The following OTUD7A variants were observed in gnomAD, a reference collection of about 807,000 sequenced individuals.
OTUD7A encodes OTU deubiquitinase 7A.
In OTUD7A, 12 loss-of-function variants were observed where a neutral mutation model predicts 65.7. The ratio of observed to expected loss-of-function variants is 0.18; its 90% CI spans 0.12 to 0.30. The LOEUF (loss-of-function observed/expected upper bound fraction) is 0.30, where lower values mean the gene tolerates loss of function less well. OTUD7A is among the 10% of genes least tolerant of loss of function. The pLI, the probability that OTUD7A is intolerant of heterozygous loss-of-function variation, is 1.00. For missense variants in OTUD7A, 1,148 were observed against 1,304.8 expected (o/e 0.88, Z 1.85); for synonymous variants, 641 against 586.3 (o/e 1.09, Z -1.35).
chr15:31,559,597 T>A (rs1269702629), intron 4 of OTUD7A, among the ~76,000 whole-genome samples: 2 of 152,252 alleles, frequency 1.3e-5, no homozygotes, highest in East Asian at 3.9e-4. Context: ...CTTGTATACA[T>A]ACATGTGCAC....
intron 3 of OTUD7A, among the ~76,000 whole-genome samples, chr15:31,583,060 C>G (rs957950917): frequency 1.3e-5 from 2 of 152,202 alleles, no homozygotes; most frequent in Non-Finnish European, 1.5e-5. Flanking sequence ...GTGTTCAATG[C>G]AACCCAGTTT....
At chr15:31,528,487 C>G (rs2042044804) in intron 6 of OTUD7A, among the ~76,000 whole-genome samples, 1 of 152,248 alleles carries the variant, frequency 6.6e-6, no homozygotes, top group African/African-American at 2.4e-5. Flanking sequence ...TTTTCAAAGG[C>G]TCAACTGGCT....
At chr15:31,794,134 T>A (rs1469482828) in intron 1 of OTUD7A, among the ~76,000 whole-genome samples, 1 of 152,238 alleles carries the variant, frequency 6.6e-6, no homozygotes, top group Non-Finnish European at 1.5e-5. Flanking sequence ...TTCATTTTTC[T>A]CTATATGGAA....
intron 1 of OTUD7A, among the ~76,000 whole-genome samples, chr15:31,662,516 T>C (rs1344514800): frequency 6.6e-6 from 1 of 152,242 alleles, no homozygotes; most frequent in Non-Finnish European, 1.5e-5. Context: ...GACACTAGTG[T>C]AGCTGATAGA....
At chr15:31,605,306 C>G (rs2141215748) in intron 3 of OTUD7A, among the ~76,000 whole-genome samples, 1 of 152,266 alleles carries the variant, frequency 6.6e-6, no homozygotes, top group Non-Finnish European at 1.5e-5. Flanking sequence ...ATCGCAGCCA[C>G]AGACATCAAG....
At position 31,596,423 on chromosome 15, in the gene OTUD7A, T is replaced by G. The variant is rs567050237; in HGVS notation, c.152-26226A>C. ...GTGCGTTACTTCTAGGTTTGTGTGA[T>G]TATAAGTAAAGCTGCTACGAACATT... On this transcript the variant is annotated intron_variant, in intron 3 of 12. Coordinates refer to ENST00000307050, the MANE Select transcript of OTUD7A (RefSeq NM_001382637.1). Among the ~76,000 whole-genome samples the G allele has an allele frequency of 2.0e-5, 3 of 152,362 alleles. No homozygotes were observed. In the South Asian group the frequency reaches 6.2e-4, roughly 32 times the overall value.
chr15:31,724,691 T>C (rs1389396531), intron 1 of OTUD7A, among the ~76,000 whole-genome samples: 2 of 152,148 alleles, frequency 1.3e-5, no homozygotes, highest in Non-Finnish European at 2.9e-5. Context: ...ACAGTCAGAA[T>C]ACAAGGGCAG....
chr15:31,599,831 ACTT>A (rs1158035755), intron 3 of OTUD7A, among the ~76,000 whole-genome samples: 1 of 152,172 alleles, frequency 6.6e-6, no homozygotes, highest in East Asian at 1.9e-4. Flanking sequence ...CAGCACAAGA[ACTT>A]CGTGAAGCAT....
At chr15:31,755,678 C>A (rs1012900245) in intron 1 of OTUD7A, among the ~76,000 whole-genome samples, 1 of 151,544 alleles carries the variant, frequency 6.6e-6, no homozygotes, top group African/African-American at 2.4e-5. Context: ...GCAGAGATTG[C>A]GCCACTGCAC....
chr15:31,803,611 G>A (rs1013962208), intron 1 of OTUD7A, among the ~76,000 whole-genome samples: 1 of 152,206 alleles, frequency 6.6e-6, no homozygotes, highest in Non-Finnish European at 1.5e-5. Flanking sequence ...TTTTCCATAA[G>A]TGCTGCTGAG....
At chr15:31,761,770 T>C (rs1894970854) in intron 1 of OTUD7A, among the ~76,000 whole-genome samples, 3 of 152,190 alleles carry the variant, frequency 2.0e-5, no homozygotes, top group East Asian at 1.9e-4. Context: ...ATCCATCAAC[T>C]GATTAACAGA....
chr15:31,549,291 T>C (rs1264694249), intron 5 of OTUD7A, among the ~76,000 whole-genome samples: 1 of 152,226 alleles, frequency 6.6e-6, no homozygotes, highest in Non-Finnish European at 1.5e-5. Context: ...TCAGTATGAT[T>C]TAATCTCTCA....
At chr15:31,491,699 A>G (rs924481673) in intron 10 of OTUD7A, among the ~76,000 whole-genome samples, 1 of 152,224 alleles carries the variant, frequency 6.6e-6, no homozygotes, top group Admixed American at 6.5e-5. Flanking sequence ...AAATATTCCT[A>G]TAATAGCCTC....
At chr15:31,749,110 G>A (rs573822335) in intron 1 of OTUD7A, among the ~76,000 whole-genome samples, 2 of 146,798 alleles carry the variant, frequency 1.4e-5, no homozygotes, top group African/African-American at 5.1e-5. Flanking sequence ...GACACAGGAA[G>A]GGGAACATCA....
At chr15:31,627,730 T>C (rs1595668064) in intron 3 of OTUD7A, among the ~76,000 whole-genome samples, 2 of 152,112 alleles carry the variant, frequency 1.3e-5, no homozygotes, top group African/African-American at 4.8e-5. Flanking sequence ...GTTCCTACTT[T>C]TCCACATCCT....
intron 1 of OTUD7A, among the ~76,000 whole-genome samples, chr15:31,867,940 G>A (rs920647906): frequency 6.6e-6 from 1 of 152,154 alleles, no homozygotes; most frequent in African/African-American, 2.4e-5. Context: ...GGAGCACACC[G>A]GCGCACACAC....
At chr15:31,828,718 G>A (rs1896858325) in intron 1 of OTUD7A, among the ~76,000 whole-genome samples, 1 of 152,036 alleles carries the variant, frequency 6.6e-6, no homozygotes, top group Admixed American at 6.6e-5. Context: ...ACTTTTTTCT[G>A]TCCTGGGAAC....
At chr15:31,665,828 C>G (rs952969559) in intron 1 of OTUD7A, among the ~76,000 whole-genome samples, 1 of 152,032 alleles carries the variant, frequency 6.6e-6, no homozygotes, top group Non-Finnish European at 1.5e-5. Context: ...GAGGTATGTC[C>G]CTTGTATGCC....
chr15:31,632,468 G>C (rs1891199605), intron 3 of OTUD7A, among the ~76,000 whole-genome samples: 1 of 152,212 alleles, frequency 6.6e-6, no homozygotes. Context: ...GCTGCTGCCT[G>C]ATCTTTCCTC....
Sources: allele counts gnomAD v4.1 joint callset (sites outside exome capture counted in the v4.1 genomes callset), GRCh38; gene constraint gnomAD v4.1.1; transcripts MANE v1.5; gene names NCBI Gene and HGNC (gene_info 2026-07-23, HGNC 2026-07-21).